Variants in DYM observed in about 807,000 individuals in gnomAD.
The protein encoded by DYM is dymeclin, also known as dyggve-Melchior-Clausen syndrome protein.
A neutral mutation model predicts 93.1 loss-of-function variants in DYM; 78 were observed. The ratio of observed to expected loss-of-function variants is 0.84; its 90% CI spans 0.70 to 1.01. DYM has a LOEUF of 1.01. Among genes scored for constraint, DYM ranks in the 50% least tolerant of loss-of-function variants. The pLI, the probability that DYM is intolerant of heterozygous loss-of-function variation, is 0.00. For missense variants in DYM, 789 were observed against 845.0 expected, an observed-to-expected ratio of 0.93 and a Z score of 0.82; for synonymous variants, 321 against 319.7, an observed-to-expected ratio of 1.00 and a Z score of -0.04.
At chr18:49,279,575 C>A (rs904674518) in intron 10 of DYM, among the ~76,000 whole-genome samples, 1 of 152,194 alleles carries the variant, frequency 6.6e-6, no homozygotes, top group South Asian at 2.1e-4. Context: ...AACCTTTCAC[C>A]GGGTATGTCA....
At chr18:49,333,927 C>T (rs2063492954) in intron 6 of DYM, 74 bp from the exon 7 acceptor site, 1 of 1,420,138 alleles carries the variant, frequency 7.0e-7, no homozygotes, top group Admixed American at 1.8e-5. Flanking sequence ...ATGAACTATA[C>T]ATTTAAAAAC....
At chr18:49,260,620 T>A (rs2094474832) in intron 11 of DYM, among the ~76,000 whole-genome samples, 2 of 152,130 alleles carry the variant, frequency 1.3e-5, no homozygotes, top group South Asian at 4.1e-4. Context: ...ATTTGCAGTA[T>A]ATGAGAAAGT....
chr18:49,211,411 G>C (rs1181422086), intron 13 of DYM, among the ~76,000 whole-genome samples: 2 of 152,172 alleles, frequency 1.3e-5, no homozygotes, highest in Non-Finnish European at 2.9e-5. Flanking sequence ...CAACACAATA[G>C]TGAACATATC....
At position 49,292,619 on chromosome 18, in the gene DYM, A is replaced by C. The variant is rs1341151832; in HGVS notation, c.764-6003T>G. 2.1e-4 allele frequency among the ~76,000 whole-genome samples: 30 copies of C among 142,024 alleles called. 2 individuals carry two copies. The East Asian group carries it at 5.9e-3, about 28-fold the overall frequency. 93.2% of individuals were successfully genotyped at this position (142,024 alleles called of 152,430 possible). ...AAAAAAAAAAAAAAAAAAAAAAAAAAAAAAAACCCCCACAAAAACCTGTCC... is the reference window on the plus strand; with the variant it reads ...AAAAAAAAAAAAAAAAAAAAAAAAACAAAAAACCCCCACAAAAACCTGTCC... On this transcript the variant is annotated intron_variant, in intron 8 of 17. Coordinates refer to ENST00000675505, the MANE Select transcript of DYM (RefSeq NM_001353214.3).
intron 15 of DYM, among the ~76,000 whole-genome samples, chr18:49,142,020 A>AT (rs77837968): frequency 0.04 from 5,624 of 139,518 alleles, 334 homozygotes; most frequent in African/African-American, 0.13. Flanking sequence ...CGCCCGGCTA[A>AT]TTTTTTTTTT....
chr18:49,095,543 C>T (rs2079467060), intron 17 of DYM, among the ~76,000 whole-genome samples: 1 of 151,200 alleles, frequency 6.6e-6, no homozygotes, highest in African/African-American at 2.4e-5. Flanking sequence ...AGGAGTACAA[C>T]TTCTTGCTAT....
intron 13 of DYM, among the ~76,000 whole-genome samples, chr18:49,221,805 T>C (rs779307817): frequency 1.3e-5 from 2 of 152,056 alleles, no homozygotes; most frequent in Non-Finnish European, 2.9e-5. Flanking sequence ...TACCTAATGC[T>C]AAATGACGAG....
intron 15 of DYM, chr18:49,126,223 A>G (rs781322077): frequency 6.6e-6 from 1 of 152,174 alleles, no homozygotes; most frequent in South Asian, 2.1e-4. Flanking sequence ...GGATCCTCCC[A>G]TTGGTGTTGG....
chr18:49,253,258 C>T (rs1399545087), intron 13 of DYM, among the ~76,000 whole-genome samples: 1 of 152,228 alleles, frequency 6.6e-6, no homozygotes, highest in Non-Finnish European at 1.5e-5. Flanking sequence ...GCTTACTTCT[C>T]ACTTGAAGTG....
At chr18:49,305,608 A>G (rs1568213403) in intron 8 of DYM, among the ~76,000 whole-genome samples, 1 of 152,202 alleles carries the variant, frequency 6.6e-6, no homozygotes, top group Admixed American at 6.5e-5. Flanking sequence ...AGGAATATCA[A>G]TCTCTCTGTT....
chr18:49,455,980 C>G (rs897257572), intron 1 of DYM, among the ~76,000 whole-genome samples: 1 of 151,928 alleles, frequency 6.6e-6, no homozygotes, highest in Non-Finnish European at 1.5e-5. Flanking sequence ...TAATTCCCTA[C>G]CCAATCTCCA....
chr18:49,418,011 G>C (rs991489645), intron 2 of DYM: 3 of 135,684 alleles, frequency 2.2e-5, no homozygotes, highest in African/African-American at 8.3e-5. Context: ...GGTGAGCCGA[G>C]ATCATGCCAT....
chr18:49,362,964 C>T (rs1248159422), intron 6 of DYM, among the ~76,000 whole-genome samples, 197 bp downstream of exon 6: 1 of 152,212 alleles, frequency 6.6e-6, no homozygotes, highest in Admixed American at 6.5e-5. Context: ...TTCCCCTTAA[C>T]AACGTAACAT....
At position 49,436,313 on chromosome 18, in the gene DYM, G is replaced by A. The variant is rs116958373; in HGVS notation, c.-53-5866C>T. Among the ~76,000 whole-genome samples, 1,960 of 152,168 alleles carry A rather than the reference G, an allele frequency of 0.013. 91 individuals are homozygous for A. The East Asian group carries it at 0.16, about 12-fold the overall frequency. ...TTAGAGGTATGAGCCACCTCTCCCAGCTACCCAATAAATTATTTCTTTCAG... is the reference window on the plus strand; with the variant it reads ...TTAGAGGTATGAGCCACCTCTCCCAACTACCCAATAAATTATTTCTTTCAG... On this transcript the variant is annotated intron_variant, in intron 1 of 17. Coordinates refer to ENST00000675505, the MANE Select transcript of DYM (RefSeq NM_001353214.3).
chr18:49,432,786 T>C (rs1428039149), intron 1 of DYM, among the ~76,000 whole-genome samples: 1 of 151,876 alleles, frequency 6.6e-6, no homozygotes, highest in African/African-American at 2.4e-5. Flanking sequence ...GCTAATATTC[T>C]GTTATTTGGT....
In DYM at chr18:49,292,336, GCAGA is replaced by G. The variant is rs869253914; in HGVS notation, c.764-5724_764-5721del. Among the ~76,000 whole-genome samples, 190 of 101,316 alleles carry G rather than the reference GCAGA, an allele frequency of 1.9e-3. 2 individuals are homozygous for G. Among genetic ancestry groups the G allele is most frequent in the African/African-American group, 5.9e-3 (170 of 28,658 alleles). 66.5% of individuals were successfully genotyped at this position (101,316 alleles called of 152,430 possible). A position where few individuals can be genotyped will look rare whatever the true frequency, so the allele number is the denominator to read the frequency against. ...GACAGGCAGGCAGGCAGGCAGGCAG[GCAGA>G]CAGACAGACAGACAGACACACACAC... On this transcript the variant is annotated intron_variant, in intron 8 of 17. Transcript: ENST00000675505.
chr18:49,147,748 C>G (rs898706912), intron 15 of DYM, among the ~76,000 whole-genome samples: 3 of 152,074 alleles, frequency 2.0e-5, no homozygotes, highest in African/African-American at 4.8e-5. Flanking sequence ...GTTGGTGGGA[C>G]TGTAAACTAG....
intron 15 of DYM, among the ~76,000 whole-genome samples, chr18:49,137,796 A>G (rs111985949): frequency 1.3e-5 from 2 of 152,334 alleles, no homozygotes; most frequent in South Asian, 2.1e-4. Context: ...CCTTAGCACC[A>G]ATCACAGAGA....
At chr18:49,208,581 T>G (rs1276920676) in intron 14 of DYM, 1 of 152,226 alleles carries the variant, frequency 6.6e-6, no homozygotes, top group Admixed American at 6.5e-5. Context: ...CCAGACTGCT[T>G]TCCTTTCCTA....
Sources: allele counts gnomAD v4.1 joint callset (sites outside exome capture counted in the v4.1 genomes callset), GRCh38; gene constraint gnomAD v4.1.1; transcripts MANE v1.5; gene names NCBI Gene and HGNC (gene_info 2026-07-23, HGNC 2026-07-21).